The following ADAMTS17 variants were observed in gnomAD, a reference collection of about 807,000 sequenced individuals.
The protein encoded by ADAMTS17 is ADAM metallopeptidase with thrombospondin type 1 motif 17.
ADAMTS17 carries 113 observed loss-of-function variants against 141.5 expected under a neutral mutation model. The observed-to-expected ratio is 0.80, with a 90% CI of 0.69 to 0.93. The LOEUF (loss-of-function observed/expected upper bound fraction) is 0.93. Ranked by LOEUF, ADAMTS17 falls within the 40% of genes least tolerant of loss-of-function variation. The pLI is 0.00. For synonymous variants in ADAMTS17, 768 were observed against 630.6 expected, an observed-to-expected ratio of 1.22 and a Z score of -3.27; for missense variants, 1,659 against 1,517.9, an observed-to-expected ratio of 1.09 and a Z score of -1.54.
chr15:100,222,103 C>T (rs747687351), intron 7 of ADAMTS17, among the ~76,000 whole-genome samples: 2 of 152,200 alleles, frequency 1.3e-5, no homozygotes, highest in African/African-American at 4.8e-5. Flanking sequence ...ACTGCAGGAG[C>T]GGGATCAGCT....
At chr15:100,199,256 T>G in intron 8 of ADAMTS17, 62 bp downstream of exon 8, 1 of 1,446,832 alleles carries the variant, frequency 6.9e-7, no homozygotes, top group Non-Finnish European at 9.7e-7. Flanking sequence ...AGAATTCAAG[T>G]GAAAAATCTG....
intron 11 of ADAMTS17, among the ~76,000 whole-genome samples, chr15:100,132,904 C>A (rs548226559): frequency 2.8e-4 from 42 of 152,320 alleles, no homozygotes; most frequent in Non-Finnish European, 2.2e-4. Context: ...CTGTGTATGG[C>A]AGGTGATGTT....
intron 7 of ADAMTS17, among the ~76,000 whole-genome samples, chr15:100,201,065 C>T (rs999849994): frequency 2.0e-5 from 3 of 152,164 alleles, no homozygotes; most frequent in Non-Finnish European, 4.4e-5. Flanking sequence ...TCCTTCCTGC[C>T]CCCAAAGAGC....
At chr15:100,083,609 C>T (rs1265105068) in intron 15 of ADAMTS17, among the ~76,000 whole-genome samples, 1 of 151,988 alleles carries the variant, frequency 6.6e-6, no homozygotes, top group Non-Finnish European at 1.5e-5. Flanking sequence ...GCATTGTTAC[C>T]ACAGACCTAG....
chr15:100,219,694 G>C (rs2042073644), intron 7 of ADAMTS17, among the ~76,000 whole-genome samples: 1 of 152,136 alleles, frequency 6.6e-6, no homozygotes, highest in Non-Finnish European at 1.5e-5. Context: ...GCAACTTCAA[G>C]GAGAAAGCAC....
intron 18 of ADAMTS17, among the ~76,000 whole-genome samples, chr15:100,016,274 G>A (rs2061287167): frequency 1.3e-5 from 2 of 151,980 alleles, no homozygotes; most frequent in African/African-American, 2.4e-5. Flanking sequence ...TTCTTGTATC[G>A]TTTTTTGGAT....
At chr15:100,115,262 G>A (rs747387385) in intron 13 of ADAMTS17, among the ~76,000 whole-genome samples, 6 of 152,210 alleles carry the variant, frequency 3.9e-5, no homozygotes, top group Non-Finnish European at 5.9e-5. Context: ...ACAGCCAGGC[G>A]GAGGGAGGCA....
chr15:100,020,369 C>T (rs1040066822), intron 18 of ADAMTS17, among the ~76,000 whole-genome samples: 5 of 152,202 alleles, frequency 3.3e-5, no homozygotes, highest in South Asian at 2.1e-4. Context: ...ACAGGGGAAG[C>T]GCTCCCTCAG....
At chr15:100,096,114 A>T (rs1596408790) in intron 15 of ADAMTS17, among the ~76,000 whole-genome samples, 1 of 152,208 alleles carries the variant, frequency 6.6e-6, no homozygotes, top group Non-Finnish European at 1.5e-5. Context: ...TGATTCATGG[A>T]CCTCAGGCTA....
At chr15:100,234,334 T>C (rs1474423767) in intron 7 of ADAMTS17, among the ~76,000 whole-genome samples, 1 of 152,160 alleles carries the variant, frequency 6.6e-6, no homozygotes, top group Non-Finnish European at 1.5e-5. Context: ...TTACGTTCGT[T>C]CCACATTTGA....
At chr15:100,339,449 AAC>A (rs543507411) in intron 2 of ADAMTS17, among the ~76,000 whole-genome samples, 34 of 152,298 alleles carry the variant, frequency 2.2e-4, no homozygotes, top group Admixed American at 1.9e-3. Flanking sequence ...CTTTGGCAAA[AAC>A]AGGAAAAATG....
chr15:100,181,240 G>C (rs1258065733), intron 8 of ADAMTS17, among the ~76,000 whole-genome samples: 1 of 152,208 alleles, frequency 6.6e-6, no homozygotes. Flanking sequence ...GAACAGTCCA[G>C]AAATGCTGTC....
chr15:100,330,871 G>A lies in ADAMTS17; in HGVS notation c.616+18C>T. 5.6e-6 allele frequency: 9 copies of A among 1,613,664 alleles called. No individual in the cohort carries two copies. Among genetic ancestry groups the A allele is most frequent in the Non-Finnish European group, 7.6e-6 (9 of 1,179,610 alleles). ...TGTGCGTGTGTTCTAAGCTGGTCAT[G>A]CTGCTGCCCCGACTCACCTGTTAGA... On this transcript the variant is annotated intron_variant, in intron 3 of 21. Transcript: ENST00000268070.
intron 10 of ADAMTS17, among the ~76,000 whole-genome samples, chr15:100,147,825 A>T (rs1567254780): frequency 2.0e-5 from 3 of 152,228 alleles, no homozygotes; most frequent in African/African-American, 7.2e-5. Context: ...CTACAAACTT[A>T]GTGGCTTAAA....
intron 8 of ADAMTS17, among the ~76,000 whole-genome samples, chr15:100,164,037 T>C (rs984836177): frequency 6.6e-6 from 1 of 152,174 alleles, no homozygotes; most frequent in African/African-American, 2.4e-5. Context: ...TAGCTGGCCT[T>C]CTTTCTCTGA....
At chr15:100,283,780 G>A (rs541135729) in intron 3 of ADAMTS17, among the ~76,000 whole-genome samples, 1 of 152,282 alleles carries the variant, frequency 6.6e-6, no homozygotes, top group African/African-American at 2.4e-5. Flanking sequence ...AGACCAGAGG[G>A]ACAGGTTGTT....
At chr15:100,247,284 G>T (rs879928609) in intron 7 of ADAMTS17, among the ~76,000 whole-genome samples, 1 of 152,148 alleles carries the variant, frequency 6.6e-6, no homozygotes, top group Non-Finnish European at 1.5e-5. Flanking sequence ...AAACAGATAG[G>T]AGAGCCCCAA....
intron 15 of ADAMTS17, among the ~76,000 whole-genome samples, chr15:100,066,836 C>T (rs4561451): frequency 2.5e-5 from 1 of 39,648 alleles, no homozygotes; most frequent in South Asian, 2.1e-3. Flanking sequence ...TCTAAGTGTC[C>T]TTCCTTTCTG....
chr15:100,013,921 TTCTTTC>T (rs1464199875), intron 18 of ADAMTS17, among the ~76,000 whole-genome samples: 4 of 152,278 alleles, frequency 2.6e-5, no homozygotes, highest in Admixed American at 2.6e-4. Flanking sequence ...GGAGGGTTCT[TTCTTTC>T]TCTATTTTGT....
Sources: gnomAD v4.1 joint callset for allele counts (sites outside exome capture counted in the v4.1 genomes callset) on GRCh38, gnomAD v4.1.1 for gene constraint, MANE v1.5 for transcripts, NCBI Gene and HGNC (gene_info 2026-07-23, HGNC 2026-07-21) for gene names.